Variants in RUFY1 observed in about 807,000 individuals in gnomAD.
The protein encoded by RUFY1 is RUN and FYVE domain containing 1, also known as RUN and FYVE domain-containing protein 1.
Under a neutral mutation model 94.6 loss-of-function variants are expected in RUFY1, and 54 were observed. That is an observed-to-expected ratio of 0.57 (90% CI 0.46 to 0.72). The LOEUF (loss-of-function observed/expected upper bound fraction) is 0.72, where lower values mean the gene tolerates loss of function less well. Among genes scored for constraint, RUFY1 ranks in the 30% least tolerant of loss-of-function variants. The pLI is 0.00. For synonymous variants in RUFY1, 396 were observed against 347.3 expected (o/e 1.14, Z -1.56); for missense variants, 883 against 883.9 (o/e 1.00, Z 0.01).
chr5:179,550,730 C>T lies in RUFY1; in HGVS notation c.161C>T (p.Thr54Met). ...LPGPGDLRSA[T>M]RPRAAEGWSA... ...GGCCCAGGCGACCTGCGGAGCGCAACGAGGCCGCGGGCGGCCGAGGGCTGG... is the reference window on the plus strand; with the variant it reads ...GGCCCAGGCGACCTGCGGAGCGCAATGAGGCCGCGGGCGGCCGAGGGCTGG... Residue 54 changes from threonine (T) to methionine (M), a missense_variant, in exon 1 of 18, where the codon ACG (threonine) becomes ATG (methionine). Physicochemically the swap from Thr to Met is moderately conservative, Grantham distance 81 (BLOSUM62 -1). Transcript: ENST00000319449. The T allele has an allele frequency of 1.1e-5, 16 of 1,474,866 alleles. No individual in the cohort carries two copies. The highest frequency in any genetic ancestry group is 1.4e-5 in the Non-Finnish European group (16 of 1,116,654). The allele number at this position is 1,474,866 out of a possible 1,614,324, so 91.4% of individuals were successfully genotyped here.
At chr5:179,552,528 G>A (rs1190557978) in intron 1 of RUFY1, among the ~76,000 whole-genome samples, 3 of 152,182 alleles carry the variant, frequency 2.0e-5, no homozygotes, top group Admixed American at 6.5e-5. Flanking sequence ...GATGATGAGA[G>A]CCTGGGCAGG....
rs766148069 is a variant in RUFY1 at position 179,591,758 on chromosome 5, GA to G, written c.1245+18del. 10 of 1,430,696 alleles carry G rather than the reference GA, an allele frequency of 7.0e-6. No homozygotes were observed. The South Asian group carries it at 1.2e-4, about 17-fold the overall frequency. 88.6% of individuals were successfully genotyped at this position (1,430,696 alleles called of 1,614,324 possible). The stretch of plus-strand genomic sequence containing the variant: ...GTCCGGTTGGTGAGTGTGCAAGACC[GA>G]GTGTCTTTAGAAAGAGTTTCCCCGT... On this transcript the variant is annotated intron_variant, in intron 10 of 17. Transcript: ENST00000319449.
chr5:179,593,419 G>A (rs1765270214), intron 10 of RUFY1, 59 bp from the exon 11 acceptor site: 8 of 1,553,974 alleles, frequency 5.1e-6, no homozygotes, highest in Non-Finnish European at 7.1e-6. Flanking sequence ...TTCAACCCCA[G>A]TTAAATACAT....
At chr5:179,582,804 T>C (rs1201978586) in intron 7 of RUFY1, among the ~76,000 whole-genome samples, 3 of 151,712 alleles carry the variant, frequency 2.0e-5, no homozygotes, top group African/African-American at 7.3e-5. Flanking sequence ...GATTGCACCA[T>C]TGCACTCCAG....
chr5:179,591,884 T>C, intron 10 of RUFY1, 143 bp downstream of exon 10: 1 of 520,816 alleles, frequency 1.9e-6, no homozygotes, highest in Non-Finnish European at 3.4e-6. Context: ...TTTAAGTCTA[T>C]GGTTACAACT....
chr5:179,608,756 T>G (rs1324785255), intron 17 of RUFY1: 1 of 408,472 alleles, frequency 2.4e-6, no homozygotes, highest in Non-Finnish European at 3.3e-6. Context: ...TGAAACCCCA[T>G]CATCTCTACT....
In RUFY1 at chr5:179,593,409, T is replaced by G. The variant is rs1231728902; in HGVS notation, c.1246-69T>G. The G allele has an allele frequency of 3.3e-6, 5 of 1,534,488 alleles. No individual in the cohort carries two copies. In the East Asian group the frequency reaches 9.3e-5, roughly 29 times the overall value. On this transcript the variant is annotated intron_variant, in intron 10 of 17. Transcript: ENST00000319449. ...TTTGTATTTTAAGCATTACCTGAGA[T>G]TCAACCCCAGTTAAATACATTTCTG...
At chr5:179,608,562 T>C (rs1767353020) in intron 17 of RUFY1, 1 of 985,482 alleles carries the variant, frequency 1.0e-6, no homozygotes, top group East Asian at 1.1e-4. Flanking sequence ...CGAACCAGAC[T>C]CTTCCTGTAA....
intron 1 of RUFY1, among the ~76,000 whole-genome samples, chr5:179,553,653 G>C (rs1391087904): frequency 6.6e-6 from 1 of 152,036 alleles, no homozygotes; most frequent in Non-Finnish European, 1.5e-5. Context: ...AGCCGGGCTT[G>C]GTGGTACGCA....
intron 17 of RUFY1, among the ~76,000 whole-genome samples, chr5:179,608,960 G>A (rs1378461783): frequency 1.4e-5 from 2 of 147,140 alleles, no homozygotes; most frequent in African/African-American, 2.5e-5. Context: ...TTTCACGCCT[G>A]TAATCCCAAC....
At position 179,607,591 on chromosome 5, in the gene RUFY1, T is replaced by G; in HGVS notation, c.1915T>G (p.Trp639Gly). Residue 639 changes from tryptophan to glycine, a missense_variant, in exon 17 of 18, where the codon TGG becomes GGG. Transcript: ENST00000319449. ...GTCCTTTCCTCTTCAGGGCCACGCC[T>G]GGCTGAAAGATGACGAAGCGACACA... is the stretch of plus-strand genomic sequence containing the variant. ...EVNQALKGHA[W>G]LKDDEATHCR... 3 of 1,614,222 alleles carry G rather than the reference T, an allele frequency of 1.9e-6. No individual in the cohort carries two copies. Among genetic ancestry groups the G allele is most frequent in the Non-Finnish European group, 2.5e-6 (3 of 1,180,016 alleles).
At chr5:179,596,419 G>T (rs550941935) in intron 12 of RUFY1, 143 bp from the exon 13 acceptor site, 5 of 1,043,120 alleles carry the variant, frequency 4.8e-6, no homozygotes, top group Non-Finnish European at 4.4e-6. Context: ...TCTGATTGTG[G>T]TGGAGCTGAA....
intron 3 of RUFY1, among the ~76,000 whole-genome samples, chr5:179,563,987 A>G (rs551525089): frequency 6.6e-6 from 1 of 151,388 alleles, no homozygotes; most frequent in Non-Finnish European, 1.5e-5. Flanking sequence ...GACCTTTTTC[A>G]TGAGCCTCTC....
intron 7 of RUFY1, among the ~76,000 whole-genome samples, chr5:179,583,447 T>C (rs1262063483): frequency 2.0e-5 from 3 of 149,156 alleles, no homozygotes; most frequent in Non-Finnish European, 3.0e-5. Flanking sequence ...GACGGAGTTT[T>C]GCTCTGTCGC....
At chr5:179,577,565 A>T (rs989182486) in intron 6 of RUFY1, among the ~76,000 whole-genome samples, 3 of 106,896 alleles carry the variant, frequency 2.8e-5, no homozygotes, top group African/African-American at 1.1e-4. Flanking sequence ...GGAGGCTCCG[A>T]GGCCGGGCGT....
chr5:179,574,087 C>T (rs1763429022), intron 5 of RUFY1, among the ~76,000 whole-genome samples: 1 of 151,868 alleles, frequency 6.6e-6, no homozygotes, highest in Non-Finnish European at 1.5e-5. Flanking sequence ...GCCACCTTTC[C>T]GTGTCAGAAT....
chr5:179,577,100 A>G lies in RUFY1; in HGVS notation c.854A>G (p.Tyr285Cys), dbSNP rs539465129. 5 of 1,586,488 alleles carry G rather than the reference A, an allele frequency of 3.2e-6. No individual in the cohort carries two copies. Among genetic ancestry groups the G allele is most frequent in the African/African-American group, 1.4e-5 (1 of 71,976 alleles). The change falls in exon 6 of 18, where the codon TAC becomes TGC. Residue 285 changes from tyrosine to cysteine, a missense_variant. By Grantham distance (194) the Tyr-to-Cys change is radical (BLOSUM62 -2). Transcript: ENST00000319449. ...GTTGGAGTAATAGATTTTTCCCTCTACCTTAAGGATGTGCAGGATCTTGAT... is the reference window on the plus strand; with the variant it reads ...GTTGGAGTAATAGATTTTTCCCTCTGCCTTAAGGATGTGCAGGATCTTGAT... ...SQVGVIDFSLYLKDVQDLDGG... is the reference protein window; with the variant it reads ...SQVGVIDFSLCLKDVQDLDGG...
At chr5:179,584,452 A>C (rs1764436037) in intron 7 of RUFY1, among the ~76,000 whole-genome samples, 1 of 152,168 alleles carries the variant, frequency 6.6e-6, no homozygotes, top group Admixed American at 6.6e-5. Flanking sequence ...ACCTCATTGA[A>C]TTGTGGGGAA....
At chr5:179,580,089 AAG>A (rs1388146473) in intron 6 of RUFY1, among the ~76,000 whole-genome samples, 2 of 152,116 alleles carry the variant, frequency 1.3e-5, no homozygotes, top group Non-Finnish European at 2.9e-5. Flanking sequence ...TTGCAGACGT[AAG>A]AAAGAATAAA....
Sources: allele counts gnomAD v4.1 joint callset (sites outside exome capture counted in the v4.1 genomes callset), GRCh38; gene constraint gnomAD v4.1.1; transcripts MANE v1.5; gene names NCBI Gene and HGNC (gene_info 2026-07-23, HGNC 2026-07-21).